Variants in TSPAN14 observed in about 807,000 individuals in gnomAD.
TSPAN14 encodes tetraspanin-14.
In TSPAN14, 16 loss-of-function variants were observed where a neutral mutation model predicts 36.6. The observed-to-expected ratio is 0.44, with a 90% CI of 0.30 to 0.66. The LOEUF is 0.66. TSPAN14 is among the 30% of genes least tolerant of loss of function. The probability of loss-of-function intolerance (pLI) is 0.12; values close to 1 mark genes in which losing one functional copy is unlikely to be tolerated. For synonymous variants in TSPAN14, 139 were observed against 143.8 expected (o/e 0.97, Z 0.24); for missense variants, 231 against 355.1 (o/e 0.65, Z 2.81).
chr10:80,502,767 C>T (rs1389520098), intron 2 of TSPAN14, among the ~76,000 whole-genome samples: 2 of 152,004 alleles, frequency 1.3e-5, no homozygotes, highest in African/African-American at 2.4e-5. Flanking sequence ...TGACCGGGGG[C>T]ATGGCCAGGA....
chr10:80,467,717 C>T (rs1218198373), intron 1 of TSPAN14, among the ~76,000 whole-genome samples: 1 of 152,122 alleles, frequency 6.6e-6, no homozygotes, highest in African/African-American at 2.4e-5. Context: ...TGATGATCAC[C>T]TCAAAAGATG....
intron 2 of TSPAN14, among the ~76,000 whole-genome samples, chr10:80,491,758 T>C (rs17680741): frequency 0.25 from 37,847 of 152,150 alleles, 5,204 homozygotes; most frequent in South Asian, 0.34. Flanking sequence ...CAATGTGTGT[T>C]GAAAGTTAAT....
At chr10:80,514,699 G>A (rs143350654) in intron 7 of TSPAN14, among the ~76,000 whole-genome samples, 69 of 152,316 alleles carry the variant, frequency 4.5e-4, no homozygotes, top group Non-Finnish European at 8.5e-4. Context: ...ACAGCTTGGG[G>A]AACTGTCCTC....
At chr10:80,478,289 C>A (rs1847036656) in intron 1 of TSPAN14, among the ~76,000 whole-genome samples, 1 of 151,928 alleles carries the variant, frequency 6.6e-6, no homozygotes, top group Non-Finnish European at 1.5e-5. Flanking sequence ...AAATAAAGTT[C>A]AGGGAGTCTT....
intron 3 of TSPAN14, among the ~76,000 whole-genome samples, chr10:80,506,841 TC>T (rs1219704993): frequency 6.6e-6 from 1 of 152,184 alleles, no homozygotes; most frequent in Non-Finnish European, 1.5e-5. Flanking sequence ...AGAGTAGTGT[TC>T]TTCATTAATT....
At chr10:80,513,774 C>T (rs1473662518) in intron 6 of TSPAN14, among the ~76,000 whole-genome samples, 2 of 152,176 alleles carry the variant, frequency 1.3e-5, no homozygotes, top group African/African-American at 2.4e-5. Context: ...TTGTCAGTGC[C>T]GGCTCTCATG....
intron 5 of TSPAN14, 115 bp from the exon 6 acceptor site, chr10:80,512,029 T>G: frequency 6.6e-7 from 1 of 1,516,336 alleles, no homozygotes. Flanking sequence ...CCTTGATTTC[T>G]CTGCATGGTA....
chr10:80,467,019 C>T (rs557314338), intron 1 of TSPAN14, among the ~76,000 whole-genome samples: 5 of 152,228 alleles, frequency 3.3e-5, no homozygotes, highest in South Asian at 4.1e-4. Flanking sequence ...TAAGGAAGTC[C>T]GTTAACCAAT....
intron 1 of TSPAN14, among the ~76,000 whole-genome samples, chr10:80,486,559 A>T (rs887084273): frequency 4.6e-5 from 7 of 152,198 alleles, no homozygotes; most frequent in African/African-American, 1.7e-4. Context: ...GTTGGGTTAA[A>T]TGAGGTCAAA....
chr10:80,455,301 G>T (rs1845687427), intron 1 of TSPAN14, among the ~76,000 whole-genome samples: 1 of 152,150 alleles, frequency 6.6e-6, no homozygotes, highest in Non-Finnish European at 1.5e-5. Context: ...GGGGCTGGGC[G>T]CAGAGCGGTG....
In TSPAN14 at chr10:80,461,121, C is replaced by A. The variant is rs927365041; in HGVS notation, c.-18+6750C>A. ...TCCTCCTCCATGAGTGAGGCTCCTC[C>A]TTTTCTCTCTGGCCCTCCTGTCTAC... On this transcript the variant is annotated intron_variant, in intron 1 of 8. Transcript: ENST00000429989. 2.6e-5 allele frequency among the ~76,000 whole-genome samples: 4 copies of A among 152,158 alleles called. No individual in the cohort carries two copies. The East Asian group carries it at 7.7e-4, about 29-fold the overall frequency.
chr10:80,463,132 G>A (rs1403887217), intron 1 of TSPAN14: 1 of 152,140 alleles, frequency 6.6e-6, no homozygotes, highest in Non-Finnish European at 1.5e-5. Flanking sequence ...GAGTTGGTGA[G>A]TCTGTATCCC....
intron 1 of TSPAN14, among the ~76,000 whole-genome samples, chr10:80,475,941 A>G (rs1279376491): frequency 6.6e-6 from 1 of 152,186 alleles, no homozygotes; most frequent in African/African-American, 2.4e-5. Flanking sequence ...TGGTTCCAGG[A>G]CATACCCCCT....
intron 2 of TSPAN14, among the ~76,000 whole-genome samples, chr10:80,491,300 A>G (rs148872094): frequency 6.6e-6 from 1 of 152,092 alleles, no homozygotes; most frequent in Admixed American, 6.6e-5. Flanking sequence ...CTCATGATGT[A>G]TGGCTTCTCA....
intron 2 of TSPAN14, among the ~76,000 whole-genome samples, chr10:80,494,403 A>G (rs1848081657): frequency 6.6e-6 from 1 of 152,254 alleles, no homozygotes; most frequent in East Asian, 1.9e-4. Flanking sequence ...GAATTTTGCC[A>G]GAACAACAGG....
intron 2 of TSPAN14, among the ~76,000 whole-genome samples, chr10:80,490,172 G>A (rs1847845755): frequency 6.6e-6 from 1 of 152,194 alleles, no homozygotes; most frequent in Non-Finnish European, 1.5e-5. Context: ...GTGAGGGGAT[G>A]GATGGTGGTA....
At chr10:80,473,710 G>A (rs925502640) in intron 1 of TSPAN14, among the ~76,000 whole-genome samples, 9 of 140,266 alleles carry the variant, frequency 6.4e-5, no homozygotes, top group African/African-American at 2.1e-4. Context: ...TTAAATTAAA[G>A]TTTTTTTTTT....
chr10:80,469,813 A>G (rs1329695902), intron 1 of TSPAN14, among the ~76,000 whole-genome samples: 2 of 151,864 alleles, frequency 1.3e-5, no homozygotes, highest in African/African-American at 4.8e-5. Flanking sequence ...TGGGGGAGCC[A>G]GGCCCTGGGG....
Position 80,504,713 on chromosome 10 carries a change from C to T in TSPAN14, c.82-15C>T, listed in dbSNP as rs1195729497. 7 of 1,614,136 alleles carry T rather than the reference C, an allele frequency of 4.3e-6. No homozygotes were observed. Among genetic ancestry groups the T allele is most frequent in the Non-Finnish European group, 4.2e-6 (5 of 1,179,984 alleles). ...CCAACCTAACTTCCTTCTCTCTTTC[C>T]TCTGCCCCGCTTAGTTGGCTGGAGT... On this transcript the variant is annotated splice_polypyrimidine_tract_variant and intron_variant, in intron 2 of 8. Transcript: ENST00000429989.
Sources: gnomAD v4.1 joint callset for allele counts (sites outside exome capture counted in the v4.1 genomes callset) on GRCh38, gnomAD v4.1.1 for gene constraint, MANE v1.5 for transcripts, NCBI Gene and HGNC (gene_info 2026-07-23, HGNC 2026-07-21) for gene names.